The following ADAMTS14 variants were observed in gnomAD, a reference collection of about 807,000 sequenced individuals.
ADAMTS14 encodes the protein A disintegrin and metalloproteinase with thrombospondin motifs 14.
A neutral mutation model predicts 128.6 loss-of-function variants in ADAMTS14; 100 were observed. The ratio of observed to expected loss-of-function variants is 0.78; its 90% CI spans 0.66 to 0.92. ADAMTS14 has a LOEUF of 0.92. Ranked by LOEUF, ADAMTS14 falls within the 40% of genes least tolerant of loss-of-function variation. The pLI is 0.00. For missense variants in ADAMTS14, 1,562 were observed against 1,658.6 expected (o/e 0.94, Z 1.01); for synonymous variants, 665 against 653.8 (o/e 1.02, Z -0.26).
rs1839585262 is a variant in ADAMTS14 at position 70,674,656 on chromosome 10, A to C, written c.183A>C (p.Ala61=). ...TCTCCCACGTGGTGTCTGGCCCAGC[A>C]GCAGCCTCTGCAGGGAGCATGGTAG... ...RFLSHVVSGP[A]AASAGSMVVD... Residue 61 remains alanine, a synonymous_variant, in exon 2 of 22, where the codon GCA becomes GCC. Transcript: ENST00000373207. 6.2e-7 allele frequency: 1 copy of C among 1,613,552 alleles called. No homozygotes were observed. The highest frequency in any genetic ancestry group is 1.3e-5 in the African/African-American group (1 of 74,942).
rs1230691691 is a variant in ADAMTS14 at position 70,674,655 on chromosome 10, C to T, written c.182C>T (p.Ala61Val). The T allele has an allele frequency of 1.2e-6, 2 of 1,613,654 alleles. No homozygotes were observed. Among genetic ancestry groups the T allele is most frequent in the South Asian group, 1.1e-5 (1 of 91,086 alleles). The change falls in exon 2 of 22, where the codon GCA becomes GTA. Residue 61 changes from alanine to valine, a missense_variant. Transcript: ENST00000373207. ...CTCTCCCACGTGGTGTCTGGCCCAG[C>T]AGCAGCCTCTGCAGGGAGCATGGTA... The part of the protein sequence containing the change: ...RFLSHVVSGP[A>V]AASAGSMVVD...
intron 21 of ADAMTS14, among the ~76,000 whole-genome samples, chr10:70,759,315 C>A (rs1019623956): frequency 4.6e-5 from 7 of 152,032 alleles, no homozygotes; most frequent in African/African-American, 1.7e-4. Flanking sequence ...CCACCTGTGT[C>A]TCTCTTTCCC....
intron 4 of ADAMTS14, among the ~76,000 whole-genome samples, chr10:70,717,018 C>T (rs1841075427): frequency 6.6e-6 from 1 of 152,206 alleles, no homozygotes; most frequent in Non-Finnish European, 1.5e-5. Context: ...TGCCTGTTTG[C>T]ACATCTATAC....
At chr10:70,705,789 G>A (rs12414655) in intron 3 of ADAMTS14, among the ~76,000 whole-genome samples, 3,524 of 152,312 alleles carry the variant, frequency 0.023, 200 homozygotes, top group Admixed American at 0.13. Context: ...TTATGATGGA[G>A]CACTAGTCCA....
intron 5 of ADAMTS14, among the ~76,000 whole-genome samples, chr10:70,729,703 C>T (rs969240482): frequency 1.5e-4 from 23 of 152,132 alleles, no homozygotes; most frequent in Admixed American, 6.5e-4. Context: ...CTGCGCTCTG[C>T]AATCTTAGAC....
chr10:70,719,354 C>G (rs1311689382), intron 4 of ADAMTS14, among the ~76,000 whole-genome samples: 1 of 148,382 alleles, frequency 6.7e-6, no homozygotes, highest in Non-Finnish European at 1.5e-5. Context: ...TGGACAGCAT[C>G]TCACTCCACA....
chr10:70,703,799 G>C (rs969921384), intron 3 of ADAMTS14, among the ~76,000 whole-genome samples: 6 of 152,220 alleles, frequency 3.9e-5, no homozygotes, highest in Admixed American at 6.5e-5. Flanking sequence ...CTGGAGTTCA[G>C]ACCCAAAGAA....
At chr10:70,675,948 G>T (rs1014927137) in intron 2 of ADAMTS14, among the ~76,000 whole-genome samples, 3 of 152,158 alleles carry the variant, frequency 2.0e-5, no homozygotes, top group African/African-American at 7.2e-5. Context: ...GAGGGGTTGT[G>T]GGTTCCTTCC....
intron 2 of ADAMTS14, among the ~76,000 whole-genome samples, chr10:70,698,920 G>A (rs1160061021): frequency 6.6e-6 from 1 of 152,260 alleles, no homozygotes; most frequent in African/African-American, 2.4e-5. Flanking sequence ...CTCCGTAGGG[G>A]TAAGAATCCT....
At chr10:70,687,857 CGGGGGGCTG>C (rs1840028919) in intron 2 of ADAMTS14, among the ~76,000 whole-genome samples, 1 of 61,950 alleles carries the variant, frequency 1.6e-5, no homozygotes, top group Admixed American at 1.4e-4. Context: ...GCTGGCCGGG[CGGGGGGCTG>C]ACCCCCCCAC....
intron 11 of ADAMTS14, 39 bp downstream of exon 11, chr10:70,739,029 C>T: frequency 1.3e-6 from 2 of 1,571,510 alleles, no homozygotes; most frequent in Non-Finnish European, 1.7e-6. Flanking sequence ...GCAGGGAGTC[C>T]CTCCCCAGGG....
intron 4 of ADAMTS14, among the ~76,000 whole-genome samples, chr10:70,719,195 ATTAG>A (rs1003535118): frequency 1.3e-5 from 2 of 152,090 alleles, no homozygotes; most frequent in African/African-American, 4.8e-5. Flanking sequence ...GACCTATGGT[ATTAG>A]TTCCAATTGC....
In ADAMTS14 at chr10:70,715,078, G is replaced by A. The variant is rs543296371; in HGVS notation, c.870+6300G>A. Among the ~76,000 whole-genome samples the A allele has an allele frequency of 7.2e-5, 11 of 152,278 alleles. No homozygotes were observed. In the South Asian group the frequency reaches 1.5e-3, roughly 20 times the overall value. ...AGTGGGTTTTTAGGAGAACTAACGGGAGATGAAGTTTGTGATAATGCTTAC... is the reference window on the plus strand; with the variant it reads ...AGTGGGTTTTTAGGAGAACTAACGGAAGATGAAGTTTGTGATAATGCTTAC... On this transcript the variant is annotated intron_variant, in intron 4 of 21. Transcript: ENST00000373207.
At chr10:70,742,746 A>G (rs1363446214) in intron 12 of ADAMTS14, among the ~76,000 whole-genome samples, 1 of 152,190 alleles carries the variant, frequency 6.6e-6, no homozygotes, top group Admixed American at 6.5e-5. Context: ...TAAGCCCCCA[A>G]CTTCCTTTTT....
At position 70,702,406 on chromosome 10, in the gene ADAMTS14, T is replaced by G. The variant is rs768113762; in HGVS notation, c.617T>G (p.Val206Gly). Reference protein sequence around the residue: ...EKEASGRTHVVYRREAVQQEW... With the variant: ...EKEASGRTHVGYRREAVQQEW... Reference sequence around the variant, plus strand: ...GAGGCCAGCGGGAGGACACATGTGGTGTACCGCCGGGAGGCCGTCCAGCAG... The same window carrying G: ...GAGGCCAGCGGGAGGACACATGTGGGGTACCGCCGGGAGGCCGTCCAGCAG... The change falls in exon 3 of 22, where the codon GTG becomes GGG. Residue 206 changes from valine (V) to glycine (G), a missense_variant. Transcript: ENST00000373207. 1 of 1,613,940 alleles carries G rather than the reference T, an allele frequency of 6.2e-7. No homozygotes were observed. The highest frequency in any genetic ancestry group is 1.1e-5 in the South Asian group (1 of 91,056).
At chr10:70,697,554 A>T (rs1572798) in intron 2 of ADAMTS14, among the ~76,000 whole-genome samples, 112,466 of 152,222 alleles carry the variant, frequency 0.74, 41,799 homozygotes, top group East Asian at 0.86. Context: ...GATGTACTTT[A>T]ATGTACACAT....
At chr10:70,692,238 G>A (rs1310457889) in intron 2 of ADAMTS14, among the ~76,000 whole-genome samples, 1 of 152,164 alleles carries the variant, frequency 6.6e-6, no homozygotes, top group Non-Finnish European at 1.5e-5. Context: ...AGTAGCTGGG[G>A]TCAGGTCTTT....
chr10:70,759,325 C>A (rs1320226386), intron 21 of ADAMTS14, among the ~76,000 whole-genome samples: 2 of 152,014 alleles, frequency 1.3e-5, no homozygotes, highest in African/African-American at 4.8e-5. Flanking sequence ...CTCTCTTTCC[C>A]TCTGTCCCTC....
chr10:70,693,921 C>T (rs778645235), intron 2 of ADAMTS14, among the ~76,000 whole-genome samples: 18 of 152,196 alleles, frequency 1.2e-4, no homozygotes, highest in South Asian at 2.1e-4. Context: ...TATGGGGTGC[C>T]GTGCAGATGT....
Sources: gnomAD v4.1 joint callset for allele counts (sites outside exome capture counted in the v4.1 genomes callset) on GRCh38, gnomAD v4.1.1 for gene constraint, MANE v1.5 for transcripts, NCBI Gene and HGNC (gene_info 2026-07-23, HGNC 2026-07-21) for gene names.